Variants in ARHGAP24 observed in about 807,000 individuals in gnomAD.
ARHGAP24 encodes Rho GTPase activating protein 24, also known as rho GTPase-activating protein 24.
ARHGAP24 carries 50 observed loss-of-function variants against 76.4 expected under a neutral mutation model. That is an observed-to-expected ratio of 0.65 (90% CI 0.52 to 0.83). ARHGAP24 has a LOEUF of 0.83. Among genes scored for constraint, ARHGAP24 ranks in the 40% least tolerant of loss-of-function variants. The probability of loss-of-function intolerance (pLI) is 0.00; values close to 1 mark genes in which losing one functional copy is unlikely to be tolerated. For missense variants in ARHGAP24, 930 were observed against 914.2 expected (o/e 1.02, Z -0.22); for synonymous variants, 345 against 323.3 (o/e 1.07, Z -0.72).
intron 1 of ARHGAP24, among the ~76,000 whole-genome samples, chr4:85,523,818 G>T (rs988751925): frequency 6.8e-6 from 1 of 146,426 alleles, no homozygotes; most frequent in Non-Finnish European, 1.5e-5. Flanking sequence ...GTGGAGGAAG[G>T]TTCCTTGGTT....
chr4:85,932,285 G>C (rs996718935), intron 4 of ARHGAP24, among the ~76,000 whole-genome samples: 1 of 152,146 alleles, frequency 6.6e-6, no homozygotes, highest in Non-Finnish European at 1.5e-5. Flanking sequence ...TAAAGGCTCA[G>C]GGACAAATTG....
At chr4:85,487,840 ATAAATATATATT>A in intron 1 of ARHGAP24, among the ~76,000 whole-genome samples, 1 of 122,620 alleles carries the variant, frequency 8.2e-6, no homozygotes, top group South Asian at 2.2e-4. Flanking sequence ...TACATATTAT[ATAAATATATATT>A]TATTATATAT....
chr4:85,795,734 G>A (rs1451282121), intron 3 of ARHGAP24, among the ~76,000 whole-genome samples: 2 of 137,642 alleles, frequency 1.5e-5, no homozygotes, highest in Admixed American at 7.1e-5. Flanking sequence ...ATGTAATATG[G>A]TAAAAAAAAA....
intron 2 of ARHGAP24, among the ~76,000 whole-genome samples, chr4:85,625,816 A>G (rs1720929460): frequency 6.6e-6 from 1 of 152,182 alleles, no homozygotes; most frequent in Non-Finnish European, 1.5e-5. Flanking sequence ...TCCCTTTACC[A>G]TTATGTAATG....
chr4:85,607,418 AAAAGAGAG>A (rs1560550348), intron 2 of ARHGAP24, among the ~76,000 whole-genome samples: 2 of 151,822 alleles, frequency 1.3e-5, no homozygotes, highest in Non-Finnish European at 2.9e-5. Flanking sequence ...GAAAGAGAGA[AAAAGAGAG>A]AAAGAGAAAG....
At chr4:85,659,485 T>C (rs1318537127) in intron 2 of ARHGAP24, among the ~76,000 whole-genome samples, 3 of 152,210 alleles carry the variant, frequency 2.0e-5, no homozygotes, top group African/African-American at 7.2e-5. Flanking sequence ...TATTCCTGTG[T>C]TATCTACAAG....
In ARHGAP24 at chr4:85,554,837, ATT is replaced by A. The variant is rs61380938; in HGVS notation, c.-20-15670_-20-15669del. On this transcript the variant is annotated intron_variant, in intron 1 of 9. Coordinates refer to ENST00000395184, the MANE Select transcript of ARHGAP24 (RefSeq NM_001025616.3). ...AGGTGCCCGCTATCACGCCCAGCTG[ATT>A]TTTTTTTTTTTTTTGTATTTTTAGT... 4.9e-3 allele frequency among the ~76,000 whole-genome samples: 712 copies of A among 146,192 alleles called. 4 individuals are homozygous for A. Among genetic ancestry groups the A allele is most frequent in the South Asian group, 0.027 (122 of 4,574 alleles).
chr4:85,998,118 T>C (rs1740791093), intron 9 of ARHGAP24, among the ~76,000 whole-genome samples: 1 of 152,228 alleles, frequency 6.6e-6, no homozygotes, highest in South Asian at 2.1e-4. Context: ...TCAAAGCTTC[T>C]GTATTTCTTC....
At chr4:85,887,592 A>G (rs1402829514) in intron 3 of ARHGAP24, among the ~76,000 whole-genome samples, 5 of 152,204 alleles carry the variant, frequency 3.3e-5, no homozygotes, top group African/African-American at 1.2e-4. Flanking sequence ...TTACAACACT[A>G]AAACATGTAA....
chr4:85,790,758 A>G (rs899608936), intron 3 of ARHGAP24, among the ~76,000 whole-genome samples: 22 of 152,294 alleles, frequency 1.4e-4, no homozygotes, highest in African/African-American at 5.3e-4. Flanking sequence ...TATAAATGGT[A>G]TTTTCAAATG....
intron 3 of ARHGAP24, among the ~76,000 whole-genome samples, chr4:85,742,248 A>G (rs1003144430): frequency 6.6e-6 from 1 of 152,030 alleles, no homozygotes; most frequent in Non-Finnish European, 1.5e-5. Flanking sequence ...CAGAAGAGAT[A>G]GGCAGTCACT....
chr4:85,934,518 ATTTG>A (rs1009979085), intron 4 of ARHGAP24, among the ~76,000 whole-genome samples: 4 of 151,834 alleles, frequency 2.6e-5, no homozygotes, highest in African/African-American at 9.7e-5. Context: ...TTATTTATTT[ATTTG>A]TTTGTTTGTT....
At chr4:85,509,636 G>C (rs1470307192) in intron 1 of ARHGAP24, among the ~76,000 whole-genome samples, 1 of 151,930 alleles carries the variant, frequency 6.6e-6, no homozygotes, top group Admixed American at 6.6e-5. Flanking sequence ...TAACCTGGTA[G>C]CATGTTTATT....
At chr4:85,756,282 ATTTAATCAAGAAAGAATACAT>A (rs1460428521) in intron 3 of ARHGAP24, among the ~76,000 whole-genome samples, 4 of 152,218 alleles carry the variant, frequency 2.6e-5, no homozygotes, top group Non-Finnish European at 5.9e-5. Flanking sequence ...TGTTCTATAC[ATTTAATCAAGAAAGAATACAT>A]TTTTAGGAAC....
At chr4:85,610,683 T>C (rs571010995) in intron 2 of ARHGAP24, among the ~76,000 whole-genome samples, 1 of 152,208 alleles carries the variant, frequency 6.6e-6, no homozygotes, top group Admixed American at 6.5e-5. Context: ...TTTGCTACCA[T>C]GGTGAACAAG....
chr4:85,662,054 G>C (rs1287260829), intron 2 of ARHGAP24, among the ~76,000 whole-genome samples: 1 of 152,162 alleles, frequency 6.6e-6, no homozygotes, highest in Admixed American at 6.5e-5. Flanking sequence ...GGTTGGTCAA[G>C]TGGTATTTCT....
At chr4:85,912,553 T>C (rs1452946381) in intron 3 of ARHGAP24, among the ~76,000 whole-genome samples, 1 of 152,208 alleles carries the variant, frequency 6.6e-6, no homozygotes, top group African/African-American at 2.4e-5. Context: ...AGTTTTGTGC[T>C]ATCATAGTAT....
chr4:85,746,520 T>C (rs1726044089), intron 3 of ARHGAP24, among the ~76,000 whole-genome samples: 1 of 152,206 alleles, frequency 6.6e-6, no homozygotes, highest in South Asian at 2.1e-4. Flanking sequence ...TTTTTTAACA[T>C]TCATGTCATA....
chr4:85,666,648 G>C (rs1275023393), intron 2 of ARHGAP24, among the ~76,000 whole-genome samples: 5 of 152,252 alleles, frequency 3.3e-5, no homozygotes, highest in East Asian at 1.9e-4. Flanking sequence ...GGTCTTTGAT[G>C]ATGGTGATGT....
Sources: gnomAD v4.1 joint callset for allele counts (sites outside exome capture counted in the v4.1 genomes callset) on GRCh38, gnomAD v4.1.1 for gene constraint, MANE v1.5 for transcripts, NCBI Gene and HGNC (gene_info 2026-07-23, HGNC 2026-07-21) for gene names.